TRPM1: variants seen among roughly 807,000 people sequenced by gnomAD.
TRPM1 encodes transient receptor potential cation channel subfamily M member 1.
TRPM1 carries 113 observed loss-of-function variants against 149.4 expected under a neutral mutation model. That is an observed-to-expected ratio of 0.76 (90% confidence interval 0.65 to 0.88). The LOEUF (loss-of-function observed/expected upper bound fraction) is 0.88. Ranked by LOEUF, TRPM1 falls within the 40% of genes least tolerant of loss-of-function variation. TRPM1 has a pLI of 0.00. For missense variants in TRPM1, 1,976 were observed against 2,038.7 expected (o/e 0.97, Z 0.59); for synonymous variants, 741 against 759.5 (o/e 0.98, Z 0.40).
intron 3 of TRPM1, among the ~76,000 whole-genome samples, chr15:31,071,833 A>G (rs1048922504): frequency 6.3e-4 from 95 of 151,446 alleles, no homozygotes; most frequent in African/African-American, 2.2e-3. Flanking sequence ...GTGTGGTGGC[A>G]CACGTCTGTA....
chr15:31,116,551 A>G (rs1363382521), intron 1 of TRPM1, among the ~76,000 whole-genome samples: 1 of 151,958 alleles, frequency 6.6e-6, no homozygotes, highest in Non-Finnish European at 1.5e-5. Context: ...GCAGTGAACC[A>G]AGATCATGCC....
At position 31,047,213 on chromosome 15, in the gene TRPM1, G is replaced by A. The variant is rs1398331190; in HGVS notation, c.1662C>T (p.Asp554=). The part of the protein sequence containing the change: ...LPPDYHISLI[D]IGLVLEYLMG... ...TGAGGTACTCCAGCACGAGCCCGAT[G>A]TCTATGAGGCTGATGTGGTAATCAG... Residue 554 remains aspartate (D), a synonymous_variant, in exon 15 of 28, where the codon GAC becomes GAT. Transcript: ENST00000256552. 6.2e-7 allele frequency: 1 copy of A among 1,614,228 alleles called. No individual in the cohort carries two copies. The highest frequency in any genetic ancestry group is 8.5e-7 in the Non-Finnish European group (1 of 1,180,052).
chr15:31,109,624 T>A (rs2141022556), intron 1 of TRPM1, among the ~76,000 whole-genome samples: 1 of 148,926 alleles, frequency 6.7e-6, no homozygotes, highest in South Asian at 2.1e-4. Flanking sequence ...CTCTTGAACC[T>A]GGGAGGCAAA....
chr15:31,046,463 C>T (rs1452014751), intron 15 of TRPM1, among the ~76,000 whole-genome samples: 2 of 152,140 alleles, frequency 1.3e-5, no homozygotes, highest in Admixed American at 6.5e-5. Flanking sequence ...GCCCTTATTC[C>T]AGGTAGAAAC....
chr15:31,042,347 G>A, intron 16 of TRPM1, 104 bp from the exon 17 acceptor site: 1 of 1,207,096 alleles, frequency 8.3e-7, no homozygotes, highest in Middle Eastern at 2.7e-4. Flanking sequence ...AGGTAATAAA[G>A]AGACTTCTGA....
At chr15:31,083,278 C>T (rs1473631747) in intron 1 of TRPM1, among the ~76,000 whole-genome samples, 1 of 152,238 alleles carries the variant, frequency 6.6e-6, no homozygotes, top group Non-Finnish European at 1.5e-5. Flanking sequence ...ACGACTCAAA[C>T]TCTCATTCCC....
intron 1 of TRPM1, among the ~76,000 whole-genome samples, chr15:31,123,398 G>T (rs1253635790): frequency 1.3e-5 from 2 of 152,070 alleles, no homozygotes; most frequent in African/African-American, 2.4e-5. Flanking sequence ...AAAAAACAGA[G>T]ACTAGGAGAA....
chr15:31,049,141 G>GGACAA (rs1390875730), intron 13 of TRPM1, among the ~76,000 whole-genome samples: 5 of 152,130 alleles, frequency 3.3e-5, no homozygotes, highest in African/African-American at 1.2e-4. Context: ...CTTAAATGCG[G>GGACAA]GACAAGAGTT....
Position 31,031,070 on chromosome 15 carries a change from C to T in TRPM1, c.3040G>A (p.Glu1014Lys), listed in dbSNP as rs1433256076. Residue 1014 changes from glutamate to lysine, a missense_variant, in exon 23 of 28, where the codon GAG (glutamate) becomes AAG (lysine). Physicochemically the swap from Glu to Lys is moderately conservative, Grantham distance 56. Around this residue, in one of 3 missense-constraint regions of TRPM1, gnomAD observed 1,332 missense variants for 1,347.1 expected, o/e 0.99. Coordinates refer to ENST00000256552, the MANE Select transcript of TRPM1 (RefSeq NM_001252024.2). ...CGGGCCAGTTTCCAAGAGGGCTTCT[C>T]CTCTGGATGCAGAATGGCTTGACGG... ...VARQAILHPE[E>K]KPSWKLARNI... 6.2e-7 allele frequency: 1 copy of T among 1,614,042 alleles called. No individual in the cohort carries two copies. The highest frequency in any genetic ancestry group is 8.5e-7 in the Non-Finnish European group (1 of 1,180,036).
intron 1 of TRPM1, among the ~76,000 whole-genome samples, chr15:31,158,989 A>G (rs1226483032): frequency 6.6e-6 from 1 of 152,148 alleles, no homozygotes; most frequent in African/African-American, 2.4e-5. Context: ...CTGAGAATGC[A>G]GCCCAGCAAG....
chr15:31,065,074 C>T (rs1367683259), intron 7 of TRPM1: 1 of 534,650 alleles, frequency 1.9e-6, no homozygotes, highest in Non-Finnish European at 3.8e-6. Flanking sequence ...CCTTTGCTGT[C>T]CCTGCCCTGC....
At chr15:31,113,500 G>A (rs188209800) in intron 1 of TRPM1, among the ~76,000 whole-genome samples, 18 of 151,998 alleles carry the variant, frequency 1.2e-4, no homozygotes, top group African/African-American at 3.9e-4. Flanking sequence ...TAAAGACAGT[G>A]ACTGAGAATT....
Position 31,088,756 on chromosome 15 carries a change from G to C in TRPM1, c.-83-7318C>G, listed in dbSNP as rs527316071. 1.7e-3 allele frequency among the ~76,000 whole-genome samples: 261 copies of C among 149,258 alleles called. 1 individual carries two copies. The highest frequency in any genetic ancestry group is 3.2e-3 in the Non-Finnish European group (212 of 67,238). ...GGTATTCGTCTTCCTGCTACCTGTG[G>C]GAACGTTCCCAACCATGGTATCAAA... On this transcript the variant is annotated intron_variant, in intron 1 of 27. Transcript: ENST00000256552.
At chr15:31,053,859 A>G (rs1383273890) in intron 11 of TRPM1, among the ~76,000 whole-genome samples, 1 of 152,238 alleles carries the variant, frequency 6.6e-6, no homozygotes, top group Admixed American at 6.5e-5. Flanking sequence ...ATGCTTGGAT[A>G]AGCAAAATGT....
At chr15:31,160,088 T>A (rs535332758) in intron 1 of TRPM1, among the ~76,000 whole-genome samples, 2 of 152,194 alleles carry the variant, frequency 1.3e-5, no homozygotes, top group Non-Finnish European at 2.9e-5. Flanking sequence ...CCTCAGGGCA[T>A]GCAAGTGGTG....
At chr15:31,119,534 A>T (rs1169406381) in intron 1 of TRPM1, among the ~76,000 whole-genome samples, 1 of 152,192 alleles carries the variant, frequency 6.6e-6, no homozygotes, top group African/African-American at 2.4e-5. Context: ...GAAGGAAAAG[A>T]TATGGGTCAG....
At chr15:31,097,739 A>G (rs1369664233) in intron 1 of TRPM1, among the ~76,000 whole-genome samples, 3 of 152,160 alleles carry the variant, frequency 2.0e-5, no homozygotes, top group Non-Finnish European at 4.4e-5. Context: ...CTACAGGAAC[A>G]AACTTCCCGA....
intron 27 of TRPM1, among the ~76,000 whole-genome samples, chr15:31,010,748 G>C (rs2032155611): frequency 6.6e-6 from 1 of 152,018 alleles, no homozygotes; most frequent in Non-Finnish European, 1.5e-5. Context: ...TATATATTTT[G>C]CTGTCATTGA....
At chr15:31,071,980 CATATATATA>C (rs2034556495) in intron 3 of TRPM1, among the ~76,000 whole-genome samples, 1 of 77,290 alleles carries the variant, frequency 1.3e-5, no homozygotes, top group African/African-American at 6.4e-5. Flanking sequence ...AAAAAAAAAA[CATATATATA>C]TATATATATA....
Sources: gnomAD v4.1 joint callset for allele counts (sites outside exome capture counted in the v4.1 genomes callset) on GRCh38, gnomAD v4.1.1 for gene constraint, gnomAD v4.1.1 regional missense constraint, MANE v1.5 for transcripts, NCBI Gene and HGNC (gene_info 2026-07-23, HGNC 2026-07-21) for gene names.